Variants in CCDC57 observed in about 807,000 individuals in gnomAD.
The protein encoded by CCDC57 is coiled-coil domain containing 57.
CCDC57 carries 118 observed loss-of-function variants against 118.9 expected under a neutral mutation model. The observed-to-expected ratio is 0.99, with a 90% CI of 0.86 to 1.16. CCDC57 has a LOEUF of 1.16. CCDC57 is among the 50% of genes most tolerant of loss of function. The probability of loss-of-function intolerance (pLI) is 0.00; values close to 1 mark genes in which losing one functional copy is unlikely to be tolerated. For synonymous variants in CCDC57, 527 were observed against 532.9 expected, an observed-to-expected ratio of 0.99 and a Z score of 0.15; for missense variants, 1,300 against 1,320.7, an observed-to-expected ratio of 0.98 and a Z score of 0.24.
chr17:82,128,808 C>A (rs2037872086), intron 17 of CCDC57, among the ~76,000 whole-genome samples: 2 of 152,220 alleles, frequency 1.3e-5, no homozygotes, highest in African/African-American at 4.8e-5. Flanking sequence ...TCCCAGGAGC[C>A]TTCTCTGCAA....
intron 14 of CCDC57, among the ~76,000 whole-genome samples, chr17:82,160,863 G>A (rs1599034087): frequency 1.1e-5 from 1 of 92,304 alleles, no homozygotes; most frequent in African/African-American, 4.5e-5. Context: ...GACACAGCAA[G>A]ACTCTGTCTC....
intron 5 of CCDC57, 157 bp from the exon 5 acceptor site, chr17:82,194,296 C>T (rs931298724): frequency 2.0e-5 from 14 of 715,512 alleles, no homozygotes; most frequent in African/African-American, 1.1e-4. Flanking sequence ...ACAACTCAAA[C>T]GAGACTCAAT....
Position 82,185,828 on chromosome 17 carries a change from C to A in CCDC57, c.1053-1896G>T, listed in dbSNP as rs143385988. Among the ~76,000 whole-genome samples the A allele has an allele frequency of 8.6e-3, 1,303 of 151,952 alleles. 8 individuals carry two copies. The highest frequency in any genetic ancestry group is 0.017 in the Middle Eastern group (5 of 294). On this transcript the variant is annotated intron_variant, in intron 8 of 19. Transcript: ENST00000665763. ...TCCAGGAGTTTGAGACCATCCTGGGCAACATGGGGAGACCCCATCTCTACT... is the reference window on the plus strand; with the variant it reads ...TCCAGGAGTTTGAGACCATCCTGGGAAACATGGGGAGACCCCATCTCTACT...
chr17:82,126,755 C>T, intron 19 of CCDC57: 1 of 985,466 alleles, frequency 1.0e-6, no homozygotes, highest in Non-Finnish European at 1.2e-6. Flanking sequence ...TGTGTTTTCA[C>T]ACACACTGCA....
intron 2 of CCDC57, among the ~76,000 whole-genome samples, chr17:82,206,658 CGTAT>C (rs903449729): frequency 1.6e-4 from 24 of 152,142 alleles, no homozygotes; most frequent in African/African-American, 5.3e-4. Context: ...AACTGTTACA[CGTAT>C]GTGTTTCCCT....
intron 16 of CCDC57, among the ~76,000 whole-genome samples, chr17:82,143,987 G>A (rs1465423438): frequency 1.3e-5 from 2 of 150,878 alleles, no homozygotes; most frequent in African/African-American, 4.9e-5. Context: ...CCGGGAGGTG[G>A]AGTTTGCACT....
chr17:82,181,256 A>G (rs892050561), intron 9 of CCDC57, among the ~76,000 whole-genome samples: 1 of 152,250 alleles, frequency 6.6e-6, no homozygotes, highest in African/African-American at 2.4e-5. Context: ...GGAACGAAGC[A>G]GCCAGCACGG....
intron 4 of CCDC57, among the ~76,000 whole-genome samples, chr17:82,196,364 G>C (rs2048299423): frequency 6.6e-6 from 1 of 152,192 alleles, no homozygotes; most frequent in Non-Finnish European, 1.5e-5. Context: ...AAGCTCTTTG[G>C]TTTCTGAGAA....
At chr17:82,153,073 G>A (rs2042254059) in intron 15 of CCDC57, among the ~76,000 whole-genome samples, 1 of 152,188 alleles carries the variant, frequency 6.6e-6, no homozygotes, top group Non-Finnish European at 1.5e-5. Context: ...CGGGCCTCAT[G>A]CCTGCTCCGT....
At chr17:82,177,056 A>G (rs1252586052) in intron 11 of CCDC57, among the ~76,000 whole-genome samples, 8 of 151,438 alleles carry the variant, frequency 5.3e-5, no homozygotes, top group Non-Finnish European at 1.2e-4. Context: ...GACCAGCCTG[A>G]CCAACATGGA....
intron 17 of CCDC57, among the ~76,000 whole-genome samples, chr17:82,129,454 C>T (rs1331912336): frequency 6.6e-6 from 1 of 152,212 alleles, no homozygotes; most frequent in African/African-American, 2.4e-5. Flanking sequence ...CGAGCCCAGC[C>T]CTGCCCCTTC....
chr17:82,141,177 ATTTTTTT>A (rs56298520), intron 16 of CCDC57, among the ~76,000 whole-genome samples: 151 of 121,488 alleles, frequency 1.2e-3, no homozygotes, highest in Admixed American at 3.3e-3. Context: ...CGCCCGGCTA[ATTTTTTT>A]TTTTTTTTTT....
intron 19 of CCDC57, among the ~76,000 whole-genome samples, chr17:82,105,819 C>T (rs900108045): frequency 1.3e-5 from 2 of 152,218 alleles, no homozygotes; most frequent in South Asian, 4.1e-4. Context: ...AGCCTGGAGC[C>T]CCCACTGGGC....
At chr17:82,205,466 C>T (rs768524008) in intron 2 of CCDC57, among the ~76,000 whole-genome samples, 1 of 152,204 alleles carries the variant, frequency 6.6e-6, no homozygotes, top group African/African-American at 2.4e-5. Context: ...CTTGGCACAG[C>T]GTATGAAGAC....
chr17:82,141,086 C>T (rs545055139), intron 16 of CCDC57, among the ~76,000 whole-genome samples: 1 of 152,106 alleles, frequency 6.6e-6, no homozygotes, highest in African/African-American at 2.4e-5. Context: ...TCTCCACTCA[C>T]TGCAACCTCC....
At chr17:82,107,046 G>T (rs562559625) in intron 19 of CCDC57, among the ~76,000 whole-genome samples, 1 of 152,128 alleles carries the variant, frequency 6.6e-6, no homozygotes, top group South Asian at 2.1e-4. Context: ...GCAGGAGGGC[G>T]GACAGCTGGG....
chr17:82,120,063 C>T (rs1258752043), intron 19 of CCDC57, among the ~76,000 whole-genome samples: 1 of 152,136 alleles, frequency 6.6e-6, no homozygotes, highest in East Asian at 1.9e-4. Context: ...TTCAACACAG[C>T]TGTGTGACGT....
At chr17:82,171,122 G>A (rs112860729) in intron 13 of CCDC57, among the ~76,000 whole-genome samples, 5 of 127,104 alleles carry the variant, frequency 3.9e-5, no homozygotes, top group African/African-American at 2.9e-5. Flanking sequence ...AAAACAGGGA[G>A]CGCTGACTGC....
exon 11 of CCDC57, chr17:82,178,520 G>A: frequency 6.2e-7 from 1 of 1,613,802 alleles, no homozygotes. Flanking sequence ...GGCCTGCACG[G>A]CCTGGTCTCG....
Sources: allele counts gnomAD v4.1 joint callset (sites outside exome capture counted in the v4.1 genomes callset), GRCh38; gene constraint gnomAD v4.1.1; transcripts MANE v1.5; gene names NCBI Gene and HGNC (gene_info 2026-07-23, HGNC 2026-07-21).